REDIC1: variants seen among roughly 807,000 people sequenced by gnomAD.
REDIC1 encodes the protein HEI10 Interacting Protein 1.
the REDIC1 span, among the ~76,000 whole-genome samples, chr12:39,709,536 A>G: frequency 7.2e-6 from 1 of 139,474 alleles, no homozygotes; most frequent in African/African-American, 2.7e-5. Context: ...GGCCATTACC[A>G]TTTTACCTTC....
the REDIC1 span, among the ~76,000 whole-genome samples, chr12:39,767,672 C>T: frequency 1.3e-5 from 2 of 152,070 alleles, no homozygotes; most frequent in Non-Finnish European, 2.9e-5. Flanking sequence ...GCTGTGTCTT[C>T]ACCCAAATCT....
the REDIC1 span, among the ~76,000 whole-genome samples, chr12:39,691,160 G>C: frequency 6.6e-6 from 1 of 152,210 alleles, no homozygotes; most frequent in East Asian, 1.9e-4. Context: ...TTATGGACCA[G>C]GACCGGCAGT....
chr12:39,646,867 G>A, the REDIC1 span: 12 of 1,597,812 alleles, frequency 7.5e-6, no homozygotes, highest in African/African-American at 1.5e-4. Flanking sequence ...TAAGTAGCAA[G>A]GAAGATCTTG....
the REDIC1 span, among the ~76,000 whole-genome samples, chr12:39,808,368 A>C: frequency 2.0e-5 from 3 of 152,142 alleles, no homozygotes; most frequent in Non-Finnish European, 2.9e-5. Flanking sequence ...ACATCTACGT[A>C]ATTTCCAATT....
At chr12:39,767,988 G>C in the REDIC1 span, among the ~76,000 whole-genome samples, 9 of 152,096 alleles carry the variant, frequency 5.9e-5, no homozygotes, top group Admixed American at 2.0e-4. Context: ...GTCTCAGGCA[G>C]TTATTTATAG....
chr12:39,772,063 A>G, the REDIC1 span, among the ~76,000 whole-genome samples: 1 of 151,924 alleles, frequency 6.6e-6, no homozygotes, highest in African/African-American at 2.4e-5. Flanking sequence ...TCCTCCTCTC[A>G]ACTCCTTTTC....
At chr12:39,822,000 T>C in the REDIC1 span, among the ~76,000 whole-genome samples, 1 of 151,956 alleles carries the variant, frequency 6.6e-6, no homozygotes, top group African/African-American at 2.4e-5. Flanking sequence ...ACATGTGACA[T>C]GCTGGTGCGC....
the REDIC1 span, among the ~76,000 whole-genome samples, chr12:39,749,846 G>C: frequency 6.6e-6 from 1 of 152,102 alleles, no homozygotes; most frequent in Non-Finnish European, 1.5e-5. Context: ...ATGCAGAAAA[G>C]GCCTTTGAGA....
the REDIC1 span, among the ~76,000 whole-genome samples, chr12:39,887,845 A>C: frequency 2.0e-5 from 3 of 152,222 alleles, no homozygotes; most frequent in Non-Finnish European, 4.4e-5. Context: ...GGTCTGTCTC[A>C]TGGTTCTCCT....
At chr12:39,806,874 A>G in the REDIC1 span, among the ~76,000 whole-genome samples, 8 of 152,172 alleles carry the variant, frequency 5.3e-5, no homozygotes, top group Non-Finnish European at 1.5e-5. Flanking sequence ...TATTCATACT[A>G]TACAATACTA....
chr12:39,680,768 G>A, the REDIC1 span, among the ~76,000 whole-genome samples: 291 of 149,808 alleles, frequency 1.9e-3, no homozygotes, highest in African/African-American at 6.2e-3. Flanking sequence ...AAATACATAC[G>A]CACACACACA....
chr12:39,801,330 T>A, the REDIC1 span, among the ~76,000 whole-genome samples: 3 of 70,352 alleles, frequency 4.3e-5, no homozygotes, highest in African/African-American at 1.1e-4. Flanking sequence ...AATAAATGAA[T>A]GAGGAAATTA....
the REDIC1 span, among the ~76,000 whole-genome samples, chr12:39,894,656 T>C: frequency 6.6e-6 from 1 of 152,224 alleles, no homozygotes; most frequent in Admixed American, 6.5e-5. Context: ...CTAATGTATA[T>C]CTTTTTTAGG....
the REDIC1 span, among the ~76,000 whole-genome samples, chr12:39,661,757 A>G: frequency 6.6e-6 from 1 of 151,724 alleles, no homozygotes; most frequent in South Asian, 2.1e-4. Flanking sequence ...TTTCTTCTGT[A>G]TTTTCTTCTA....
At chr12:39,828,250 A>G in the REDIC1 span, among the ~76,000 whole-genome samples, 1 of 152,126 alleles carries the variant, frequency 6.6e-6, no homozygotes, top group Non-Finnish European at 1.5e-5. Context: ...AGGAGTAAGA[A>G]AACATTTTTT....
At chr12:39,637,802 C>T in the REDIC1 span, among the ~76,000 whole-genome samples, 1 of 151,824 alleles carries the variant, frequency 6.6e-6, no homozygotes, top group African/African-American at 2.4e-5. Flanking sequence ...GGTTAGTTTC[C>T]CCTACTACTT....
the REDIC1 span, among the ~76,000 whole-genome samples, chr12:39,629,133 A>G: frequency 6.6e-6 from 1 of 152,240 alleles, no homozygotes; most frequent in Non-Finnish European, 1.5e-5. Context: ...AAGGGAAACA[A>G]TCGAACACTG....
chr12:39,859,237 C>T, the REDIC1 span, among the ~76,000 whole-genome samples: 2,252 of 145,196 alleles, frequency 0.016, 52 homozygotes, highest in African/African-American at 0.054. Context: ...TATTCTTATG[C>T]TTGGTTTAAC....
chr12:39,717,886 T>C, the REDIC1 span, among the ~76,000 whole-genome samples: 111,819 of 151,880 alleles, frequency 0.74, 42,593 homozygotes, highest in Non-Finnish European at 0.84. Context: ...TCCATCAAGT[T>C]GTCTTCTGTT....
Sources: gnomAD v4.1 joint callset for allele counts (sites outside exome capture counted in the v4.1 genomes callset) on GRCh38, gnomAD v4.1.1 for gene constraint, MANE v1.5 for transcripts, NCBI Gene and HGNC (gene_info 2026-07-23, HGNC 2026-07-21) for gene names.